Variants in TRPM3 observed in about 807,000 individuals in gnomAD.
The protein encoded by TRPM3 is long transient receptor potential channel 3.
TRPM3 carries 77 observed loss-of-function variants against 181.2 expected under a neutral mutation model. That is an observed-to-expected ratio of 0.42 (90% confidence interval 0.35 to 0.51). TRPM3 has a LOEUF of 0.51. Among genes scored for constraint, TRPM3 ranks in the 20% least tolerant of loss-of-function variants. TRPM3 has a pLI of 0.01. For synonymous variants in TRPM3, 745 were observed against 796.4 expected (o/e 0.94, Z 1.09); for missense variants, 1,759 against 2,196.7 (o/e 0.80, Z 3.98).
intron 1 of TRPM3, among the ~76,000 whole-genome samples, chr9:70,952,189 T>C (rs908924133): frequency 6.6e-5 from 10 of 152,230 alleles, no homozygotes; most frequent in African/African-American, 2.4e-4. Context: ...AGATTTTTCT[T>C]TAGCAGCAAG....
chr9:71,072,491 C>T (rs964119749), intron 1 of TRPM3, among the ~76,000 whole-genome samples: 2 of 152,044 alleles, frequency 1.3e-5, no homozygotes, highest in African/African-American at 4.8e-5. Context: ...TCCCAATAAC[C>T]CAAGAGGCAG....
chr9:71,338,062 C>T (rs914452601), intron 1 of TRPM3, among the ~76,000 whole-genome samples: 2 of 149,428 alleles, frequency 1.3e-5, no homozygotes, highest in Non-Finnish European at 3.0e-5. Context: ...GCACATGTAC[C>T]TCAGAACTTA....
intron 22 of TRPM3, among the ~76,000 whole-genome samples, chr9:70,578,425 G>A (rs529770849): frequency 1.3e-5 from 2 of 152,274 alleles, no homozygotes; most frequent in Admixed American, 1.3e-4. Flanking sequence ...ATAGGTTAAG[G>A]CCTCTGGGTT....
Position 71,292,015 on chromosome 9 carries a change from C to T in TRPM3, c.183+154638G>A, listed in dbSNP as rs79520195. Among the ~76,000 whole-genome samples the T allele has an allele frequency of 3.4e-3, 517 of 151,176 alleles. 1 individual carries two copies. The highest frequency in any genetic ancestry group is 0.011 in the African/African-American group (458 of 41,148). On this transcript the variant is annotated intron_variant, in intron 1 of 24. Coordinates refer to the TRPM3 transcript ENST00000357533. ...TAAGTCAGAAACAAATAATGAAAGA[C>T]GGAAAAAGGAGGAGAAAGACAAGAA...
At chr9:70,692,485 T>C (rs1338724010) in intron 8 of TRPM3, among the ~76,000 whole-genome samples, 1 of 152,212 alleles carries the variant, frequency 6.6e-6, no homozygotes, top group African/African-American at 2.4e-5. Context: ...GTGTTGTCCT[T>C]GAACCAGATT....
intron 6 of TRPM3, among the ~76,000 whole-genome samples, chr9:70,803,961 T>C (rs936266585): frequency 6.6e-6 from 1 of 152,102 alleles, no homozygotes; most frequent in Non-Finnish European, 1.5e-5. Flanking sequence ...TTACTCCCCA[T>C]CAATTTACCT....
At chr9:70,761,527 G>T in intron 8 of TRPM3, 74 bp downstream of exon 8, 1 of 1,605,234 alleles carries the variant, frequency 6.2e-7, no homozygotes, top group Non-Finnish European at 8.5e-7. Flanking sequence ...TGCATGATTT[G>T]AGAAAATGTT....
chr9:71,168,606 TTTATTTTTTTATTA>T (rs2076671398), intron 1 of TRPM3, among the ~76,000 whole-genome samples: 1 of 3,872 alleles, frequency 2.6e-4, no homozygotes, highest in Admixed American at 2.6e-3. Context: ...TTTATTTTTA[TTTATTTTTTTATTA>T]TTATTTTTTT....
At chr9:70,919,152 C>A (rs1227844799) in intron 1 of TRPM3, among the ~76,000 whole-genome samples, 1 of 152,108 alleles carries the variant, frequency 6.6e-6, no homozygotes, top group Admixed American at 6.5e-5. Flanking sequence ...CAGATTTTCA[C>A]CCTCAGTAAA....
chr9:70,929,873 T>C (rs574945983), intron 1 of TRPM3, among the ~76,000 whole-genome samples: 4 of 152,214 alleles, frequency 2.6e-5, no homozygotes, highest in Admixed American at 6.5e-5. Context: ...GAATTAGGCC[T>C]CAGAATTTCA....
intron 1 of TRPM3, among the ~76,000 whole-genome samples, chr9:70,945,841 C>A (rs949692158): frequency 1.3e-5 from 2 of 152,164 alleles, no homozygotes; most frequent in East Asian, 1.9e-4. Flanking sequence ...GTTGTAAGAA[C>A]TGGCTGTGGG....
At chr9:71,053,875 G>A (rs537490502) in intron 1 of TRPM3, among the ~76,000 whole-genome samples, 1 of 152,098 alleles carries the variant, frequency 6.6e-6, no homozygotes, top group South Asian at 2.1e-4. Flanking sequence ...AAACAGGGTC[G>A]GGATCCTTCA....
intron 6 of TRPM3, among the ~76,000 whole-genome samples, chr9:70,805,395 A>G (rs1196567445): frequency 1.3e-5 from 2 of 151,816 alleles, no homozygotes; most frequent in African/African-American, 2.4e-5. Context: ...TTAGCCGGGC[A>G]TAGTGGCGGG....
At chr9:71,027,207 G>A (rs1046405569) in intron 1 of TRPM3, among the ~76,000 whole-genome samples, 1 of 152,138 alleles carries the variant, frequency 6.6e-6, no homozygotes, top group Non-Finnish European at 1.5e-5. Flanking sequence ...GCCCTGAGCT[G>A]AGCCTTGACC....
chr9:70,910,890 T>A (rs960049598), intron 1 of TRPM3, among the ~76,000 whole-genome samples: 1 of 152,186 alleles, frequency 6.6e-6, no homozygotes, highest in East Asian at 1.9e-4. Flanking sequence ...CTAACCTGTC[T>A]TTGACTTTGC....
chr9:70,943,277 A>C (rs981947970), intron 1 of TRPM3, among the ~76,000 whole-genome samples: 1 of 152,220 alleles, frequency 6.6e-6, no homozygotes, highest in African/African-American at 2.4e-5. Flanking sequence ...ACTTATATGA[A>C]TTTGACTCAA....
intron 1 of TRPM3, among the ~76,000 whole-genome samples, chr9:71,365,411 A>G (rs538922580): frequency 6.6e-6 from 1 of 152,298 alleles, no homozygotes; most frequent in South Asian, 2.1e-4. Flanking sequence ...CTCATCTTAT[A>G]AAACTGTTTC....
At chr9:70,558,162 A>T (rs963154661) in intron 22 of TRPM3, among the ~76,000 whole-genome samples, 4 of 152,154 alleles carry the variant, frequency 2.6e-5, no homozygotes, top group African/African-American at 9.7e-5. Flanking sequence ...AATACAACGT[A>T]AGGCTACCAA....
chr9:70,920,800 T>C (rs1275682377), intron 1 of TRPM3, among the ~76,000 whole-genome samples: 1 of 152,258 alleles, frequency 6.6e-6, no homozygotes, highest in Non-Finnish European at 1.5e-5. Context: ...TTATTTCTTA[T>C]TTTAACTGAT....
Sources: allele counts gnomAD v4.1 joint callset (sites outside exome capture counted in the v4.1 genomes callset), GRCh38; gene constraint gnomAD v4.1.1; transcripts MANE v1.5; gene names NCBI Gene and HGNC (gene_info 2026-07-23, HGNC 2026-07-21).